SYT1: variants seen among roughly 807,000 people sequenced by gnomAD.
SYT1 encodes the protein synaptotagmin-1.
SYT1 carries 8 observed loss-of-function variants against 44.8 expected under a neutral mutation model. The observed-to-expected ratio is 0.18, with a 90% CI of 0.10 to 0.32. The LOEUF (loss-of-function observed/expected upper bound fraction) is 0.32. Among genes scored for constraint, SYT1 ranks in the 10% least tolerant of loss-of-function variants. The probability of loss-of-function intolerance (pLI) is 1.00; values close to 1 mark genes in which losing one functional copy is unlikely to be tolerated. For synonymous variants in SYT1, 154 were observed against 188.8 expected (o/e 0.82, Z 1.51); for missense variants, 286 against 509.3 (o/e 0.56, Z 4.22).
intron 3 of SYT1, among the ~76,000 whole-genome samples, chr12:79,123,236 C>T (rs903612573): frequency 6.6e-6 from 1 of 151,348 alleles, no homozygotes; most frequent in Admixed American, 6.6e-5. Context: ...AAGTTGGGTG[C>T]CTCAGCATTA....
intron 8 of SYT1, among the ~76,000 whole-genome samples, chr12:79,352,865 C>G (rs893039520): frequency 6.6e-6 from 1 of 152,102 alleles, no homozygotes; most frequent in Non-Finnish European, 1.5e-5. Flanking sequence ...CTATGGGTTT[C>G]AATTTTCTAG....
chr12:79,364,917 A>G (rs1377134348), intron 9 of SYT1, among the ~76,000 whole-genome samples: 1 of 152,188 alleles, frequency 6.6e-6, no homozygotes, highest in East Asian at 1.9e-4. Context: ...ATGAACTTCC[A>G]TATCCTTATT....
At chr12:79,039,341 A>G (rs1334133948) in intron 2 of SYT1, among the ~76,000 whole-genome samples, 2 of 152,078 alleles carry the variant, frequency 1.3e-5, no homozygotes, top group Admixed American at 1.3e-4. Context: ...ACAAAAACAT[A>G]AAAGTATCAA....
intron 4 of SYT1, among the ~76,000 whole-genome samples, chr12:79,224,019 A>G (rs1367335340): frequency 6.6e-6 from 1 of 152,020 alleles, no homozygotes; most frequent in Non-Finnish European, 1.5e-5. Context: ...TTTTCTTAGT[A>G]TTATGCTACT....
intron 1 of SYT1, among the ~76,000 whole-genome samples, chr12:78,905,589 A>G (rs1225892819): frequency 6.6e-6 from 1 of 152,086 alleles, no homozygotes; most frequent in Non-Finnish European, 1.5e-5. Flanking sequence ...TAAACCATCT[A>G]TTCTTCTCCC....
intron 8 of SYT1, among the ~76,000 whole-genome samples, chr12:79,352,018 T>G (rs540487185): frequency 3.9e-5 from 6 of 152,256 alleles, no homozygotes; most frequent in Admixed American, 2.6e-4. Flanking sequence ...CTATGGGGAC[T>G]CAAGAAATGA....
chr12:78,964,614 G>C (rs1879675018), intron 1 of SYT1, among the ~76,000 whole-genome samples: 1 of 146,492 alleles, frequency 6.8e-6, no homozygotes, highest in African/African-American at 2.6e-5. Context: ...TTTACTATTT[G>C]TGCTCTAAAG....
intron 3 of SYT1, among the ~76,000 whole-genome samples, chr12:79,206,064 T>C (rs1010709182): frequency 2.6e-5 from 4 of 152,328 alleles, no homozygotes; most frequent in Non-Finnish European, 5.9e-5. Context: ...TTCATATAAT[T>C]TGAATTTTAT....
chr12:78,972,366 G>T (rs1394149867), intron 1 of SYT1, among the ~76,000 whole-genome samples: 1 of 151,764 alleles, frequency 6.6e-6, no homozygotes, highest in Non-Finnish European at 1.5e-5. Context: ...CTTTGCCAAG[G>T]TTCACTGAAT....
intron 9 of SYT1, among the ~76,000 whole-genome samples, chr12:79,429,560 ACT>A (rs1869653363): frequency 6.8e-6 from 1 of 146,872 alleles, no homozygotes; most frequent in Admixed American, 6.9e-5. Flanking sequence ...CTGGAGTCTC[ACT>A]CTGTCACCCA....
chr12:78,943,254 G>A (rs556866853), intron 1 of SYT1, among the ~76,000 whole-genome samples: 1 of 152,204 alleles, frequency 6.6e-6, no homozygotes, highest in South Asian at 2.1e-4. Flanking sequence ...CTGATAGTGG[G>A]TAATTTATAA....
chr12:79,409,942 GTTCAC>G (rs1465808782), intron 9 of SYT1, among the ~76,000 whole-genome samples: 4 of 151,856 alleles, frequency 2.6e-5, no homozygotes, highest in Non-Finnish European at 4.4e-5. Context: ...TTCTTACTCT[GTTCAC>G]TTCACTTCTA....
intron 1 of SYT1, among the ~76,000 whole-genome samples, chr12:78,908,957 G>GCATT (rs1197762410): frequency 6.6e-6 from 1 of 151,766 alleles, no homozygotes; most frequent in African/African-American, 2.4e-5. Flanking sequence ...TATAATTAAG[G>GCATT]CATTTCAATC....
chr12:79,075,689 A>C (rs1592725295), intron 3 of SYT1, among the ~76,000 whole-genome samples: 1 of 152,260 alleles, frequency 6.6e-6, no homozygotes. Context: ...AGTTTGTGAT[A>C]CAACTATTCA....
chr12:79,262,616 G>A (rs1592909620), intron 4 of SYT1, among the ~76,000 whole-genome samples: 1 of 152,074 alleles, frequency 6.6e-6, no homozygotes, highest in Non-Finnish European at 1.5e-5. Context: ...CAGCTGACTC[G>A]CTTCTCACAA....
At chr12:79,286,021 CAAAT>C (rs1373164551) in intron 5 of SYT1, 50 bp downstream of exon 5, 1 of 1,543,414 alleles carries the variant, frequency 6.5e-7, no homozygotes, top group African/African-American at 1.4e-5. Flanking sequence ...AAAAGATAAA[CAAAT>C]GTATTATTTT....
intron 3 of SYT1, among the ~76,000 whole-genome samples, chr12:79,062,093 A>G (rs868180585): frequency 1.3e-5 from 2 of 152,148 alleles, no homozygotes; most frequent in African/African-American, 4.8e-5. Flanking sequence ...CAGAGTTATC[A>G]TCTCCCTCAA....
At chr12:79,172,882 T>G (rs1263029071) in intron 3 of SYT1, among the ~76,000 whole-genome samples, 1 of 149,350 alleles carries the variant, frequency 6.7e-6, no homozygotes, top group Admixed American at 6.8e-5. Context: ...TCTAGATGCC[T>G]TTCTCACATT....
chr12:78,876,694 TGTA>T (rs1161173781), intron 1 of SYT1, among the ~76,000 whole-genome samples: 2 of 102,784 alleles, frequency 1.9e-5, no homozygotes, highest in African/African-American at 1.1e-4. Context: ...TATACACACA[TGTA>T]GTATATTATA....
Sources: allele counts gnomAD v4.1 joint callset (sites outside exome capture counted in the v4.1 genomes callset), GRCh38; gene constraint gnomAD v4.1.1; transcripts MANE v1.5; gene names NCBI Gene and HGNC (gene_info 2026-07-23, HGNC 2026-07-21).